CHST9: variants seen among roughly 807,000 people sequenced by gnomAD.
CHST9 encodes the protein carbohydrate sulfotransferase 9.
Under a neutral mutation model 44.4 loss-of-function variants are expected in CHST9, and 41 were observed. That is an observed-to-expected ratio of 0.92 (90% confidence interval 0.72 to 1.20). The LOEUF (loss-of-function observed/expected upper bound fraction) is 1.20. Ranked by LOEUF, CHST9 falls within the 50% of genes most tolerant of loss-of-function variation. The pLI, the probability that CHST9 is intolerant of heterozygous loss-of-function variation, is 0.00. For missense variants in CHST9, 504 were observed against 516.5 expected, an observed-to-expected ratio of 0.98 and a Z score of 0.23; for synonymous variants, 171 against 178.4, an observed-to-expected ratio of 0.96 and a Z score of 0.33.
rs2056476273 is a variant in CHST9 at position 26,967,148 on chromosome 18, G to A, written c.203-22782C>T. ...GTTTCCAATACTGAGAGAGTGTAAGGCAAAAATCAAAAGGGTCACTTCACC... is the reference window on the plus strand; with the variant it reads ...GTTTCCAATACTGAGAGAGTGTAAGACAAAAATCAAAAGGGTCACTTCACC... On this transcript the variant is annotated intron_variant, in intron 4 of 5. Coordinates refer to ENST00000618847, the MANE Select transcript of CHST9 (RefSeq NM_031422.6). 3.3e-5 allele frequency among the ~76,000 whole-genome samples: 5 copies of A among 151,994 alleles called. No individual in the cohort carries two copies. In the South Asian group the frequency reaches 1.0e-3, roughly 32 times the overall value.
intron 5 of CHST9, among the ~76,000 whole-genome samples, chr18:26,918,928 A>G (rs551655870): frequency 1.4e-3 from 210 of 152,260 alleles, no homozygotes; most frequent in African/African-American, 4.9e-3. Context: ...ATAAAGAAAA[A>G]GATGTTTAAT....
chr18:26,916,787 G>C lies in CHST9; in HGVS notation c.804C>G (p.Thr268=). The C allele has an allele frequency of 6.2e-7, 1 of 1,613,812 alleles. No individual in the cohort carries two copies. Among genetic ancestry groups the C allele is most frequent in the Non-Finnish European group, 8.5e-7 (1 of 1,179,822 alleles). The change falls in exon 6 of 6, where the codon ACC becomes ACG. Residue 268 remains threonine (T), a synonymous_variant. Coordinates refer to ENST00000618847, the MANE Select transcript of CHST9 (RefSeq NM_031422.6). ...CAGCTTTGGTGTAAGTATTTAAGCG[G>C]GTATATATCCCTTTTAGGTCAAAGC... ...LDSFDLKGIY[T]RLNTYTKAVF...
At chr18:26,984,424 C>T (rs2056729326) in intron 4 of CHST9, among the ~76,000 whole-genome samples, 1 of 152,070 alleles carries the variant, frequency 6.6e-6, no homozygotes, top group Non-Finnish European at 1.5e-5. Flanking sequence ...TAGAAGAAAA[C>T]ATAGGGTAAT....
At chr18:27,130,366 T>C (rs1854439284) in intron 2 of CHST9, among the ~76,000 whole-genome samples, 1 of 152,214 alleles carries the variant, frequency 6.6e-6, no homozygotes, top group African/African-American at 2.4e-5. Flanking sequence ...ACCAATAAAG[T>C]AAGAAACACT....
chr18:27,044,490 G>A (rs1288716060), intron 3 of CHST9, among the ~76,000 whole-genome samples: 1 of 152,034 alleles, frequency 6.6e-6, no homozygotes, highest in African/African-American at 2.4e-5. Flanking sequence ...GATTCTCAAA[G>A]TGAGAATGAA....
intron 2 of CHST9, among the ~76,000 whole-genome samples, chr18:27,138,400 A>G (rs2058534896): frequency 6.6e-6 from 1 of 152,052 alleles, no homozygotes; most frequent in Non-Finnish European, 1.5e-5. Flanking sequence ...TATGCACTCA[A>G]TCCTATCCTT....
At chr18:26,959,906 A>G (rs927538070) in intron 4 of CHST9, among the ~76,000 whole-genome samples, 2 of 151,960 alleles carry the variant, frequency 1.3e-5, no homozygotes, top group African/African-American at 4.8e-5. Flanking sequence ...AGATGAATGT[A>G]GGGCACATTG....
At chr18:27,144,617 T>C (rs1346846317) in intron 1 of CHST9, among the ~76,000 whole-genome samples, 1 of 152,064 alleles carries the variant, frequency 6.6e-6, no homozygotes, top group Non-Finnish European at 1.5e-5. Context: ...GAGCCCAGAA[T>C]GGTGGAGGCT....
chr18:27,053,218 G>GGAAGAAGAAGAAGAAGAAGAAGAAGAA lies in CHST9; in HGVS notation c.122-4742_122-4716dup, dbSNP rs1198842599. Among the ~76,000 whole-genome samples the GGAAGAAGAAGAAGAAGAAGAAGAAGAA allele has an allele frequency of 9.1e-3, 295 of 32,352 alleles. 32 individuals carry two copies. Among genetic ancestry groups the GGAAGAAGAAGAAGAAGAAGAAGAAGAA allele is most frequent in the Non-Finnish European group, 0.013 (192 of 15,144 alleles). The allele number at this position is 32,352 out of a possible 152,430, so 21.2% of individuals were successfully genotyped here. A position where few individuals can be genotyped will look rare whatever the true frequency, so the allele number is the denominator to read the frequency against. On this transcript the variant is annotated intron_variant, in intron 2 of 5. Coordinates refer to ENST00000618847, the MANE Select transcript of CHST9 (RefSeq NM_031422.6). ...AGAAAGAACAAGAAGAGGAGGAAGA[G>GGAAGAAGAAGAAGAAGAAGAAGAAGAA]GAAGAAGAAGAAGAAGAAGAAGAAG...
chr18:27,066,768 C>T (rs1047542144), intron 2 of CHST9, among the ~76,000 whole-genome samples: 22 of 152,100 alleles, frequency 1.4e-4, no homozygotes, highest in African/African-American at 5.3e-4. Flanking sequence ...CACTATATAA[C>T]CTAAATTATT....
chr18:27,084,457 G>GA (rs1568165560), intron 2 of CHST9, among the ~76,000 whole-genome samples: 13 of 64,878 alleles, frequency 2.0e-4, no homozygotes, highest in African/African-American at 6.0e-4. Context: ...ACACTCGCTG[G>GA]GTTTTTTTTT....
At chr18:26,982,340 T>G (rs1362513993) in intron 4 of CHST9, among the ~76,000 whole-genome samples, 2 of 27,176 alleles carry the variant, frequency 7.4e-5, no homozygotes, top group Non-Finnish European at 1.5e-4. Context: ...TCCTTTTACC[T>G]TTTTTTTTTT....
At chr18:26,918,511 A>AT (rs1468755545) in intron 5 of CHST9, among the ~76,000 whole-genome samples, 2 of 152,032 alleles carry the variant, frequency 1.3e-5, no homozygotes, top group African/African-American at 4.8e-5. Context: ...TTGCATATAT[A>AT]TATATATAGT....
At chr18:26,971,049 C>T (rs969341154) in intron 4 of CHST9, among the ~76,000 whole-genome samples, 2 of 152,128 alleles carry the variant, frequency 1.3e-5, no homozygotes, top group Non-Finnish European at 2.9e-5. Context: ...GGCTTCCACC[C>T]CTGAACTCTC....
chr18:27,030,283 C>T (rs1279488016), intron 3 of CHST9, among the ~76,000 whole-genome samples: 3 of 152,004 alleles, frequency 2.0e-5, no homozygotes, highest in Non-Finnish European at 4.4e-5. Context: ...AGTTTTTAAC[C>T]GATCTGGTTA....
intron 2 of CHST9, among the ~76,000 whole-genome samples, chr18:27,051,530 G>A (rs2057566927): frequency 6.6e-6 from 1 of 152,130 alleles, no homozygotes; most frequent in Non-Finnish European, 1.5e-5. Context: ...CTATGGAGAG[G>A]TCCATGTGGC....
intron 4 of CHST9, among the ~76,000 whole-genome samples, chr18:26,974,737 G>C (rs1475730004): frequency 6.7e-6 from 1 of 150,028 alleles, no homozygotes; most frequent in Non-Finnish European, 1.5e-5. Flanking sequence ...GCAGTGGCCC[G>C]ATCTCGGCTC....
At chr18:27,088,419 G>A (rs112427953) in intron 2 of CHST9, among the ~76,000 whole-genome samples, 2,144 of 144,500 alleles carry the variant, frequency 0.015, 48 homozygotes, top group African/African-American at 0.053. Flanking sequence ...TTTTTGAGAT[G>A]GAGTCTCGCT....
At position 27,048,463 on chromosome 18, in the gene CHST9, A is replaced by T; in HGVS notation, c.160+2T>A. 1 of 1,606,032 alleles carries T rather than the reference A, an allele frequency of 6.2e-7. No homozygotes were observed. Among genetic ancestry groups the T allele is most frequent in the Non-Finnish European group, 8.5e-7 (1 of 1,176,348 alleles). On this transcript the variant is annotated splice_donor_variant, in intron 3 of 5. Coordinates refer to ENST00000618847, the MANE Select transcript of CHST9 (RefSeq NM_031422.6). LOFTEE classifies it high-confidence loss of function. ...GCTGGAGCCCATTGGACAAAATCTT[A>T]CCTGAAGTTACTTTTTGTTCTCTTC...
Sources: gnomAD v4.1 joint callset for allele counts (sites outside exome capture counted in the v4.1 genomes callset) on GRCh38, gnomAD v4.1.1 for gene constraint, MANE v1.5 for transcripts, NCBI Gene and HGNC (gene_info 2026-07-23, HGNC 2026-07-21) for gene names.